Variants in TMEM117 observed in about 807,000 individuals in gnomAD.
TMEM117 encodes transmembrane protein 117.
TMEM117 carries 27 observed loss-of-function variants against 52.4 expected under a neutral mutation model. That is an observed-to-expected ratio of 0.51 (90% CI 0.38 to 0.71). The LOEUF is 0.71. TMEM117 is among the 30% of genes least tolerant of loss of function. The pLI is 0.00. For synonymous variants in TMEM117, 215 were observed against 206.3 expected, an observed-to-expected ratio of 1.04 and a Z score of -0.36; for missense variants, 556 against 630.5, an observed-to-expected ratio of 0.88 and a Z score of 1.26.
At chr12:43,847,749 C>T (rs917196952) in intron 2 of TMEM117, among the ~76,000 whole-genome samples, 3 of 152,060 alleles carry the variant, frequency 2.0e-5, no homozygotes, top group Admixed American at 6.6e-5. Flanking sequence ...CTAGTAAAAG[C>T]ATTATTCATT....
intron 2 of TMEM117, among the ~76,000 whole-genome samples, chr12:43,873,461 C>A (rs1166520930): frequency 6.6e-6 from 1 of 151,770 alleles, no homozygotes; most frequent in Non-Finnish European, 1.5e-5. Context: ...GGTTTAGTAC[C>A]CTAATGACGT....
At chr12:43,937,090 G>C (rs1056096272) in intron 2 of TMEM117, among the ~76,000 whole-genome samples, 2 of 152,154 alleles carry the variant, frequency 1.3e-5, no homozygotes, top group African/African-American at 4.8e-5. Flanking sequence ...TGGGAGGAGT[G>C]CTCCATCCTT....
intron 3 of TMEM117, among the ~76,000 whole-genome samples, chr12:44,080,348 A>G (rs979539940): frequency 2.6e-5 from 4 of 152,144 alleles, no homozygotes; most frequent in African/African-American, 9.7e-5. Flanking sequence ...GGGGGAAAAG[A>G]ACCTTATAAA....
At chr12:44,114,175 G>A (rs995973096) in intron 3 of TMEM117, among the ~76,000 whole-genome samples, 4 of 151,860 alleles carry the variant, frequency 2.6e-5, no homozygotes, top group Non-Finnish European at 4.4e-5. Flanking sequence ...CTTCTGCGTC[G>A]CTCACGCTGG....
chr12:44,249,904 G>A (rs1024920538), intron 5 of TMEM117, among the ~76,000 whole-genome samples: 7 of 152,086 alleles, frequency 4.6e-5, no homozygotes, highest in Admixed American at 2.6e-4. Flanking sequence ...AGAAAACCTA[G>A]GCAATACGAT....
chr12:43,811,276 ACCT>A, the TMEM117 span, among the ~76,000 whole-genome samples: 1 of 151,522 alleles, frequency 6.6e-6, no homozygotes, highest in Non-Finnish European at 1.5e-5. Flanking sequence ...TCCCTTCCCC[ACCT>A]CCTCCTGTTT....
intron 3 of TMEM117, among the ~76,000 whole-genome samples, chr12:44,084,003 T>G (rs1947526877): frequency 6.6e-6 from 1 of 152,152 alleles, no homozygotes; most frequent in Non-Finnish European, 1.5e-5. Context: ...TGTTTCAAAA[T>G]GTTATGTGAA....
At chr12:44,192,068 T>C (rs565813925) in intron 4 of TMEM117, among the ~76,000 whole-genome samples, 88 of 152,300 alleles carry the variant, frequency 5.8e-4, no homozygotes, top group Non-Finnish European at 1.2e-3. Flanking sequence ...ATCACACTTA[T>C]TTTGATAAAC....
At chr12:44,026,841 A>T (rs1482309942) in intron 3 of TMEM117, among the ~76,000 whole-genome samples, 2 of 152,010 alleles carry the variant, frequency 1.3e-5, no homozygotes, top group Non-Finnish European at 2.9e-5. Context: ...ATCCTTAAAT[A>T]GTTGTGTTTT....
At position 44,295,877 on chromosome 12, in the gene TMEM117, G is replaced by T. The variant is rs547854132; in HGVS notation, c.609-3703G>T. 9.9e-5 allele frequency among the ~76,000 whole-genome samples: 15 copies of T among 152,166 alleles called. 1 individual carries two copies. The South Asian group carries it at 3.1e-3, about 32-fold the overall frequency. ...TGGTGCTTATTAGTTTCCTTCTGTG[G>T]TGTCATGTTTATCTAATTCTTTATT... On this transcript the variant is annotated intron_variant, in intron 5 of 7. Coordinates refer to ENST00000266534, the MANE Select transcript of TMEM117 (RefSeq NM_032256.3).
intron 3 of TMEM117, among the ~76,000 whole-genome samples, chr12:44,027,461 A>G (rs73087696): frequency 0.095 from 14,488 of 152,130 alleles, 1,103 homozygotes; most frequent in African/African-American, 0.2. Flanking sequence ...GGCATGAGCC[A>G]TCGCATCTGG....
chr12:44,231,097 A>G (rs1005745635), intron 5 of TMEM117, among the ~76,000 whole-genome samples: 2 of 151,914 alleles, frequency 1.3e-5, no homozygotes, highest in African/African-American at 4.8e-5. Context: ...TTTATATTAC[A>G]TTCTTCTTAT....
Position 44,102,727 on chromosome 12 carries a change from G to A in TMEM117, c.411-40798G>A, listed in dbSNP as rs2012087. On this transcript the variant is annotated intron_variant, in intron 3 of 7. Coordinates refer to ENST00000266534, the MANE Select transcript of TMEM117 (RefSeq NM_032256.3). The stretch of plus-strand genomic sequence containing the variant: ...TTTTTTGGTTGGCGTAAATATTTTG[G>A]ATAAGAGGATGATATGGTTTGGCTG... Among the ~76,000 whole-genome samples, 294 of 151,940 alleles carry A rather than the reference G, an allele frequency of 1.9e-3. 7 individuals are homozygous for A. The East Asian group carries it at 0.035, about 18-fold the overall frequency.
chr12:43,902,943 T>C (rs970008644), intron 2 of TMEM117, among the ~76,000 whole-genome samples: 1 of 152,110 alleles, frequency 6.6e-6, no homozygotes, highest in African/African-American at 2.4e-5. Context: ...TTCCTAAAAT[T>C]ATAGATCAAA....
chr12:43,831,534 T>C (rs550686143), upstream of TMEM117, among the ~76,000 whole-genome samples: 1 of 149,006 alleles, frequency 6.7e-6, no homozygotes, highest in Non-Finnish European at 1.5e-5. Flanking sequence ...ATGTCTCATG[T>C]GGTTACTTCT....
At chr12:44,396,925 C>G in the TMEM117 span, among the ~76,000 whole-genome samples, 14 of 152,102 alleles carry the variant, frequency 9.2e-5, no homozygotes, top group African/African-American at 3.4e-4. Context: ...TTATCTGATC[C>G]TCTCCATGAT....
the TMEM117 span, among the ~76,000 whole-genome samples, chr12:43,828,544 T>G: frequency 1.3e-5 from 2 of 152,252 alleles, no homozygotes; most frequent in Non-Finnish European, 2.9e-5. Context: ...GCTCTTACTG[T>G]TTTTCATTTC....
intron 3 of TMEM117, among the ~76,000 whole-genome samples, chr12:44,080,248 G>T: frequency 6.6e-6 from 1 of 152,122 alleles, no homozygotes; most frequent in Non-Finnish European, 1.5e-5. Context: ...CATGGCTGAG[G>T]AGGCCTCAGG....
chr12:43,867,452 A>T (rs1419481287), intron 2 of TMEM117, among the ~76,000 whole-genome samples: 2 of 152,222 alleles, frequency 1.3e-5, no homozygotes, highest in Non-Finnish European at 2.9e-5. Flanking sequence ...GACAAGGATA[A>T]ACAGCAAAGT....
Sources: allele counts gnomAD v4.1 joint callset (sites outside exome capture counted in the v4.1 genomes callset), GRCh38; gene constraint gnomAD v4.1.1; transcripts MANE v1.5; gene names NCBI Gene and HGNC (gene_info 2026-07-23, HGNC 2026-07-21).